Variants in ROBO1 observed in about 807,000 individuals in gnomAD.
ROBO1 encodes the protein roundabout homolog 1.
ROBO1 carries 149 observed loss-of-function variants against 195.9 expected under a neutral mutation model. That is an observed-to-expected ratio of 0.76 (90% CI 0.67 to 0.87). The LOEUF is 0.87. ROBO1 is among the 40% of genes least tolerant of loss of function. The pLI is 0.00. For missense variants in ROBO1, 1,933 were observed against 2,068.3 expected (o/e 0.93, Z 1.27); for synonymous variants, 816 against 733.2 (o/e 1.11, Z -1.82).
intron 2 of ROBO1, among the ~76,000 whole-genome samples, chr3:79,445,015 A>G (rs2039191380): frequency 6.6e-6 from 1 of 151,966 alleles, no homozygotes; most frequent in African/African-American, 2.4e-5. Context: ...AATAGCAAGC[A>G]GAAGTTGGAT....
At chr3:79,320,059 G>A (rs555374462) in intron 2 of ROBO1, among the ~76,000 whole-genome samples, 1 of 152,116 alleles carries the variant, frequency 6.6e-6, no homozygotes, top group Non-Finnish European at 1.5e-5. Context: ...ATCAGTTTAG[G>A]CATCTATAAC....
intron 3 of ROBO1, among the ~76,000 whole-genome samples, chr3:79,044,896 T>C (rs996850777): frequency 1.3e-5 from 2 of 152,002 alleles, no homozygotes; most frequent in East Asian, 3.9e-4. Context: ...CAGTTTCCCC[T>C]TTTTTTGTTT....
intron 2 of ROBO1, among the ~76,000 whole-genome samples, chr3:79,166,641 C>T (rs1261333217): frequency 6.7e-6 from 1 of 150,242 alleles, no homozygotes; most frequent in East Asian, 2.0e-4. Context: ...TCTCGGCTCA[C>T]TGCAAGCTCC....
intron 5 of ROBO1, among the ~76,000 whole-genome samples, chr3:78,718,820 GAGGGAGA>G (rs2081967908): frequency 2.3e-5 from 3 of 130,686 alleles, no homozygotes; most frequent in African/African-American, 6.0e-5. Flanking sequence ...GGGAGGGAGA[GAGGGAGA>G]GAGGGAGAGA....
At chr3:79,109,620 T>C (rs1305026187) in intron 3 of ROBO1, among the ~76,000 whole-genome samples, 1 of 152,100 alleles carries the variant, frequency 6.6e-6, no homozygotes, top group Non-Finnish European at 1.5e-5. Flanking sequence ...TCTTATATCA[T>C]CTGTAAATCT....
At chr3:79,539,937 G>A (rs550504768) in intron 2 of ROBO1, among the ~76,000 whole-genome samples, 1 of 67,556 alleles carries the variant, frequency 1.5e-5, no homozygotes, top group Non-Finnish European at 2.6e-5. Context: ...TTTTATATGT[G>A]ACCCCCAAGT....
intron 10 of ROBO1, among the ~76,000 whole-genome samples, chr3:78,674,868 C>T (rs892318726): frequency 6.6e-6 from 1 of 151,898 alleles, no homozygotes; most frequent in Non-Finnish European, 1.5e-5. Flanking sequence ...TACAAAGTTG[C>T]AATTATTAAT....
intron 4 of ROBO1, among the ~76,000 whole-genome samples, chr3:78,875,472 A>T (rs1440247123): frequency 2.0e-5 from 3 of 152,102 alleles, no homozygotes. Context: ...GATAAAATGT[A>T]AATTGAAAAA....
intron 7 of ROBO1, among the ~76,000 whole-genome samples, chr3:78,715,538 A>C (rs1278120779): frequency 6.6e-6 from 1 of 152,016 alleles, no homozygotes; most frequent in African/African-American, 2.4e-5. Context: ...TTTTCTTCTT[A>C]TTATTTTTTT....
At chr3:78,652,048 C>T in intron 18 of ROBO1, 119 bp from the exon 19 acceptor site, 1 of 760,736 alleles carries the variant, frequency 1.3e-6, no homozygotes, top group Non-Finnish European at 2.2e-6. Flanking sequence ...TTTCCTCTCA[C>T]ACCACTCACC....
chr3:78,768,119 G>T (rs1339149657), intron 4 of ROBO1, among the ~76,000 whole-genome samples: 3 of 151,960 alleles, frequency 2.0e-5, no homozygotes, highest in Admixed American at 6.6e-5. Flanking sequence ...TTGATAGGTT[G>T]TATCATTATC....
intron 2 of ROBO1, among the ~76,000 whole-genome samples, chr3:79,563,789 T>C (rs1261574021): frequency 2.6e-5 from 4 of 152,066 alleles, no homozygotes; most frequent in Admixed American, 2.6e-4. Context: ...GGTAAATCTA[T>C]TTAATGCAGA....
chr3:79,701,939 T>C (rs1947633556), intron 1 of ROBO1, among the ~76,000 whole-genome samples: 1 of 151,934 alleles, frequency 6.6e-6, no homozygotes, highest in Non-Finnish European at 1.5e-5. Flanking sequence ...TTATTGAAAG[T>C]AGACTATACA....
At chr3:79,764,379 T>A (rs1049693415) in intron 1 of ROBO1, among the ~76,000 whole-genome samples, 1 of 152,332 alleles carries the variant, frequency 6.6e-6, no homozygotes, top group African/African-American at 2.4e-5. Flanking sequence ...TCTAGCCTAT[T>A]GTATGCTATC....
Position 78,614,765 on chromosome 3 carries a change from G to GC in ROBO1, c.4317dup (p.Pro1440AlafsTer40). 1 of 1,612,888 alleles carries GC rather than the reference G, an allele frequency of 6.2e-7. No homozygotes were observed. Among genetic ancestry groups the GC allele is most frequent in the East Asian group, 2.2e-5 (1 of 44,798 alleles). On this transcript the variant is annotated frameshift_variant, in exon 28 of 31. Transcript: ENST00000464233. LOFTEE classifies it high-confidence loss of function. Reference sequence around the variant, plus strand: ...CTGTCTGTAGACACGGGACTTGTGGGCCTAGGGCACTGAGACGCATGAAAA... The same window carrying GC: ...CTGTCTGTAGACACGGGACTTGTGGGCCCTAGGGCACTGAGACGCATGAAAA...
chr3:79,538,968 T>G (rs1180975767), intron 2 of ROBO1, among the ~76,000 whole-genome samples: 2 of 152,154 alleles, frequency 1.3e-5, no homozygotes, highest in African/African-American at 2.4e-5. Flanking sequence ...AGGCTAGAGT[T>G]TGTACAGAAA....
At chr3:78,630,782 T>C (rs528927646) in intron 25 of ROBO1, among the ~76,000 whole-genome samples, 4 of 152,222 alleles carry the variant, frequency 2.6e-5, no homozygotes, top group African/African-American at 9.6e-5. Flanking sequence ...CAGGATCCCA[T>C]CGTTGTGGTA....
At position 79,148,850 on chromosome 3, in the gene ROBO1, T is replaced by C. The variant is rs139241589; in HGVS notation, c.89-23311A>G. ...TTAGATTAGCTGTATTTTGCTGATGTGATCAATAATTAAAATTTAGACATA... is the reference window on the plus strand; with the variant it reads ...TTAGATTAGCTGTATTTTGCTGATGCGATCAATAATTAAAATTTAGACATA... On this transcript the variant is annotated intron_variant, in intron 2 of 30. Coordinates refer to ENST00000464233, the MANE Select transcript of ROBO1 (RefSeq NM_002941.4). Among the ~76,000 whole-genome samples the C allele has an allele frequency of 9.2e-4, 140 of 152,016 alleles. 1 individual carries two copies. Among genetic ancestry groups the C allele is most frequent in the Non-Finnish European group, 6.9e-4 (47 of 67,888 alleles).
intron 4 of ROBO1, among the ~76,000 whole-genome samples, chr3:78,801,354 C>T (rs371956196): frequency 1.3e-5 from 2 of 151,888 alleles, no homozygotes; most frequent in African/African-American, 2.4e-5. Flanking sequence ...CTTTTTAATC[C>T]GGAACCTATT....
Sources: allele counts gnomAD v4.1 joint callset (sites outside exome capture counted in the v4.1 genomes callset), GRCh38; gene constraint gnomAD v4.1.1; transcripts MANE v1.5; gene names NCBI Gene and HGNC (gene_info 2026-07-23, HGNC 2026-07-21).